ACTR3C: variants seen among roughly 807,000 people sequenced by gnomAD.
ACTR3C encodes actin related protein 3C.
Under a neutral mutation model 26.3 loss-of-function variants are expected in ACTR3C, and 18 were observed. The ratio of observed to expected loss-of-function variants is 0.68; its 90% confidence interval spans 0.47 to 1.01. The LOEUF is 1.01. Among genes scored for constraint, ACTR3C ranks in the 50% least tolerant of loss-of-function variants. The pLI is 0.00. For synonymous variants in ACTR3C, 55 were observed against 94.5 expected (o/e 0.58, Z 2.42); for missense variants, 184 against 250.7 (o/e 0.73, Z 1.80).
chr7:149,937,467 G>A, the ACTR3C span, among the ~76,000 whole-genome samples: 815 of 152,090 alleles, frequency 5.4e-3, 6 homozygotes, highest in African/African-American at 0.018. Flanking sequence ...GATTTAATAC[G>A]TATTTATTTC....
rs1229252625 is a variant in ACTR3C, at chr7:150,288,435, A to C, written c.297+1015T>G. 6.6e-5 allele frequency among the ~76,000 whole-genome samples: 9 copies of C among 136,318 alleles called. 2 individuals carry two copies. The highest frequency in any genetic ancestry group is 1.5e-5 in the Non-Finnish European group (1 of 66,008). The allele number at this position is 136,318 out of a possible 152,430, so 89.4% of individuals were successfully genotyped here. A position where few individuals can be genotyped will look rare whatever the true frequency, so the allele number is the denominator to read the frequency against. On this transcript the variant is annotated intron_variant, in intron 4 of 7. Coordinates refer to ENST00000683684, the MANE Select transcript of ACTR3C (RefSeq NM_001164458.2). ...TTTTTTTTCTTCTTTTTTGAAATAG[A>C]GACGAGATCTCGCTATATCACCTGG...
the ACTR3C span, among the ~76,000 whole-genome samples, chr7:150,080,640 C>T: frequency 2.6e-5 from 4 of 152,006 alleles, no homozygotes; most frequent in South Asian, 8.3e-4. Context: ...CAGCAAGAGA[C>T]ACCTAGATGG....
the ACTR3C span, among the ~76,000 whole-genome samples, chr7:149,975,790 C>T: frequency 6.6e-6 from 1 of 152,138 alleles, no homozygotes; most frequent in African/African-American, 2.4e-5. Context: ...AAGGGGAAAG[C>T]CCCTTAGAAA....
chr7:150,107,847 C>A, the ACTR3C span, among the ~76,000 whole-genome samples: 1 of 151,768 alleles, frequency 6.6e-6, no homozygotes, highest in Non-Finnish European at 1.5e-5. Flanking sequence ...GAATGGGCCC[C>A]TTATAGGGTG....
At chr7:150,209,504 C>T in the ACTR3C span, among the ~76,000 whole-genome samples, 3 of 150,570 alleles carry the variant, frequency 2.0e-5, no homozygotes, top group African/African-American at 5.0e-5. Flanking sequence ...TGATCCATTT[C>T]GAGTTAATAT....
At chr7:150,211,861 T>C in the ACTR3C span, among the ~76,000 whole-genome samples, 63 of 147,700 alleles carry the variant, frequency 4.3e-4, 3 homozygotes, top group Non-Finnish European at 7.7e-4. Context: ...CCCCAGTGAA[T>C]TGTCAGCTTT....
chr7:150,124,288 A>G, the ACTR3C span, among the ~76,000 whole-genome samples: 2 of 152,222 alleles, frequency 1.3e-5, no homozygotes, highest in Non-Finnish European at 2.9e-5. Context: ...ACATTTTTCC[A>G]TTATCAGTGT....
chr7:150,069,304 AC>A, the ACTR3C span, among the ~76,000 whole-genome samples: 1 of 152,212 alleles, frequency 6.6e-6, no homozygotes, highest in South Asian at 2.1e-4. Context: ...GGCCCCTGGG[AC>A]CCCACGTTAA....
chr7:150,136,389 G>A, the ACTR3C span, among the ~76,000 whole-genome samples: 5 of 152,174 alleles, frequency 3.3e-5, no homozygotes, highest in Non-Finnish European at 7.3e-5. Flanking sequence ...TGAAACTCAG[G>A]CTGGGCACAG....
At chr7:149,934,645 A>G in the ACTR3C span, among the ~76,000 whole-genome samples, 24 of 151,286 alleles carry the variant, frequency 1.6e-4, no homozygotes, top group African/African-American at 5.8e-4. Context: ...GGGAGCTTAT[A>G]TGGTGAATCT....
Position 150,318,530 on chromosome 7 carries a change from A to G in ACTR3C, c.-52+4939T>C, listed in dbSNP as rs765805147. Among the ~76,000 whole-genome samples the G allele has an allele frequency of 3.3e-5, 5 of 152,260 alleles. No individual in the cohort carries two copies. In the South Asian group the frequency reaches 1.0e-3, roughly 32 times the overall value. On this transcript the variant is annotated intron_variant, in intron 1 of 7. Coordinates refer to ENST00000683684, the MANE Select transcript of ACTR3C (RefSeq NM_001164458.2). ...TGTAATCCCAGCACTTTGGGAGGCC[A>G]AGGTGGGCGGATCACGAGATCAGGA... is the stretch of plus-strand genomic sequence containing the variant.
At chr7:149,886,048 T>C in the ACTR3C span, among the ~76,000 whole-genome samples, 1 of 152,252 alleles carries the variant, frequency 6.6e-6, no homozygotes, top group African/African-American at 2.4e-5. Context: ...ATAGAAGTTG[T>C]GCATATGAAC....
the ACTR3C span, among the ~76,000 whole-genome samples, chr7:150,022,431 T>C: frequency 6.6e-6 from 1 of 151,688 alleles, no homozygotes; most frequent in South Asian, 2.1e-4. Context: ...ATGCATCTCT[T>C]GATTTCCATT....
the ACTR3C span, among the ~76,000 whole-genome samples, chr7:150,018,608 G>C: frequency 6.7e-6 from 1 of 149,988 alleles, no homozygotes; most frequent in Non-Finnish European, 1.5e-5. Flanking sequence ...TTATTTTTCA[G>C]GAGTTGGCTA....
At chr7:150,124,767 A>G in the ACTR3C span, among the ~76,000 whole-genome samples, 2 of 151,942 alleles carry the variant, frequency 1.3e-5, no homozygotes, top group Non-Finnish European at 2.9e-5. Context: ...ACTGCAGGTA[A>G]TAATAACAGT....
the ACTR3C span, among the ~76,000 whole-genome samples, chr7:150,190,038 G>C: frequency 6.6e-6 from 1 of 152,194 alleles, no homozygotes; most frequent in Non-Finnish European, 1.5e-5. Context: ...CAGTTGCTCT[G>C]TGACGTTGCT....
At chr7:149,901,748 T>C in the ACTR3C span, among the ~76,000 whole-genome samples, 4 of 151,644 alleles carry the variant, frequency 2.6e-5, no homozygotes, top group East Asian at 5.8e-4. Context: ...ACCCTGTCTC[T>C]ATTAAAATTA....
the ACTR3C span, among the ~76,000 whole-genome samples, chr7:150,094,121 C>G: frequency 6.6e-6 from 1 of 150,586 alleles, no homozygotes; most frequent in African/African-American, 2.5e-5. Context: ...CCCTAGTGAT[C>G]GAATTACACA....
At chr7:149,911,025 T>A in the ACTR3C span, among the ~76,000 whole-genome samples, 1 of 151,856 alleles carries the variant, frequency 6.6e-6, no homozygotes, top group Non-Finnish European at 1.5e-5. Context: ...ACTCAAGAGC[T>A]GGAAACAGAG....
Sources: gnomAD v4.1 joint callset for allele counts (sites outside exome capture counted in the v4.1 genomes callset) on GRCh38, gnomAD v4.1.1 for gene constraint, MANE v1.5 for transcripts, NCBI Gene and HGNC (gene_info 2026-07-23, HGNC 2026-07-21) for gene names.